The following RGMB variants were observed in gnomAD, a reference collection of about 807,000 sequenced individuals.
RGMB encodes repulsive guidance molecule BMP co-receptor b.
Under a neutral mutation model 26.9 loss-of-function variants are expected in RGMB, and 16 were observed. The ratio of observed to expected loss-of-function variants is 0.60; its 90% CI spans 0.40 to 0.90. RGMB has a LOEUF of 0.90. RGMB is among the 40% of genes least tolerant of loss of function. The pLI, the probability that RGMB is intolerant of heterozygous loss-of-function variation, is 0.00. For missense variants in RGMB, 512 were observed against 573.3 expected, an observed-to-expected ratio of 0.89 and a Z score of 1.09; for synonymous variants, 225 against 229.3, an observed-to-expected ratio of 0.98 and a Z score of 0.17.
At chr5:98,777,855 A>G (rs1331864845) in intron 1 of RGMB, among the ~76,000 whole-genome samples, 1 of 152,174 alleles carries the variant, frequency 6.6e-6, no homozygotes, top group Admixed American at 6.5e-5. Flanking sequence ...TGATTGCTGT[A>G]AATCCATAGC....
rs150162004 is a variant in RGMB at position 98,785,061 on chromosome 5, CCTTG to C, written c.645+4977_645+4980del. ...GAGATTTGCTCCTTATTGTGACCCT[CCTTG>C]CTTTATGAAGATGCTAAGAAGTTCT... On this transcript the variant is annotated intron_variant, in intron 2 of 2. Transcript: ENST00000513185. Among the ~76,000 whole-genome samples the C allele has an allele frequency of 5.9e-3, 891 of 152,294 alleles. 4 individuals carry two copies. The highest frequency in any genetic ancestry group is 0.02 in the African/African-American group (848 of 41,570).
rs981264837 is a variant in RGMB at position 98,778,862 on chromosome 5, TAGAC to T, written c.137-715_137-712del. On this transcript the variant is annotated intron_variant, in intron 1 of 2. Coordinates refer to ENST00000513185, the MANE Select transcript of RGMB (RefSeq NM_001366508.1). ...AGCTAGGATCCTAGGGTAATGGAGATAGACAGTAAGGAAAAAGTAAATATATAGC... is the reference window on the plus strand; with the variant it reads ...AGCTAGGATCCTAGGGTAATGGAGATAGTAAGGAAAAAGTAAATATATAGC... Among the ~76,000 whole-genome samples, 25 of 152,152 alleles carry T rather than the reference TAGAC, an allele frequency of 1.6e-4. No individual in the cohort carries two copies. In the East Asian group the frequency reaches 3.9e-3, roughly 23 times the overall value.
chr5:98,794,363 A>G lies in RGMB; in HGVS notation c.*610A>G, dbSNP rs1561449742. ...ATCTAAGAGCTGTTACTTTTTCAGA[A>G]GGGGGGGTATTATTGGTATTCTGAT... On this transcript the variant is annotated 3_prime_UTR_variant, in exon 3 of 3. Coordinates refer to ENST00000513185, the MANE Select transcript of RGMB (RefSeq NM_001366508.1). 6.6e-6 allele frequency: 1 copy of G among 151,986 alleles called. No homozygotes were observed. The highest frequency in any genetic ancestry group is 2.0e-4 in the East Asian group (1 of 5,122). 9.4% of individuals were successfully genotyped at this position (151,986 alleles called of 1,614,324 possible).
At chr5:98,774,773 C>T (rs933767198) in intron 1 of RGMB, among the ~76,000 whole-genome samples, 1 of 152,136 alleles carries the variant, frequency 6.6e-6, no homozygotes, top group Non-Finnish European at 1.5e-5. Context: ...GCAAAAGCTG[C>T]GTTTGTTCAG....
rs538517786 is a variant in RGMB, at chr5:98,793,033, C to T, written c.646-52C>T. The T allele has an allele frequency of 2.6e-5, 38 of 1,442,744 alleles. No homozygotes were observed. In the African/African-American group the frequency reaches 4.4e-4, roughly 17 times the overall value. The allele number at this position is 1,442,744 out of a possible 1,614,324, so 89.4% of individuals were successfully genotyped here. A position where few individuals can be genotyped will look rare whatever the true frequency, so the allele number is the denominator to read the frequency against. On this transcript the variant is annotated intron_variant, in intron 2 of 2. Transcript: ENST00000513185. The stretch of plus-strand genomic sequence containing the variant: ...GAGCTCTTGCTACAGAGGGTTACCC[C>T]GTTCTGCTTCCTTCCCATTCTGTTA...
At position 98,773,724 on chromosome 5, in the gene RGMB, A is replaced by AC; in HGVS notation, c.-346dup. ...GGCTGGGCCAGCCTCTTGGAGGTCC[A>AC]CGCCCGCCGAGCCCACGCTGGCTGG... On this transcript the variant is annotated 5_prime_UTR_variant, in exon 1 of 3. Transcript: ENST00000513185. 1 of 376,514 alleles carries AC rather than the reference A, an allele frequency of 2.7e-6. No individual in the cohort carries two copies. The highest frequency in any genetic ancestry group is 4.0e-5 in the East Asian group (1 of 25,230). The allele number at this position is 376,514 out of a possible 1,614,324, so 23.3% of individuals were successfully genotyped here. A position where few individuals can be genotyped will look rare whatever the true frequency, so the allele number is the denominator to read the frequency against.
chr5:98,791,894 G>C (rs1485646939), intron 2 of RGMB, among the ~76,000 whole-genome samples: 1 of 152,048 alleles, frequency 6.6e-6, no homozygotes, highest in African/African-American at 2.4e-5. Context: ...AAAGAACATG[G>C]GTTTACAAAA....
upstream of RGMB, chr5:98,771,538 T>C (rs1435242136): frequency 6.6e-6 from 1 of 152,242 alleles, no homozygotes; most frequent in South Asian, 2.1e-4. Flanking sequence ...TGCGGTTTAC[T>C]TGTGAAAATT....
At chr5:98,785,649 T>C (rs1746748535) in intron 2 of RGMB, among the ~76,000 whole-genome samples, 1 of 152,234 alleles carries the variant, frequency 6.6e-6, no homozygotes, top group Non-Finnish European at 1.5e-5. Flanking sequence ...CCAAAAAGCT[T>C]TCTAGAATTT....
intron 2 of RGMB, among the ~76,000 whole-genome samples, chr5:98,787,202 T>C (rs756373589): frequency 2.6e-4 from 39 of 152,354 alleles, no homozygotes; most frequent in Non-Finnish European, 3.7e-4. Context: ...TCTAACCACT[T>C]CATTCCTGAG....
intron 2 of RGMB, among the ~76,000 whole-genome samples, chr5:98,790,598 G>A (rs551227153): frequency 1.3e-5 from 2 of 152,284 alleles, no homozygotes; most frequent in East Asian, 1.9e-4. Flanking sequence ...AAAAACAGCC[G>A]TGGTGAGACA....
upstream of RGMB, chr5:98,772,685 C>G (rs1746205610): frequency 6.6e-6 from 1 of 152,186 alleles, no homozygotes; most frequent in African/African-American, 2.4e-5. Flanking sequence ...TTGGCAGCCT[C>G]TTTCTTTGTA....
At chr5:98,774,258 C>T in intron 1 of RGMB, 52 bp downstream of exon 1, 3 of 1,339,304 alleles carry the variant, frequency 2.2e-6, no homozygotes, top group Admixed American at 7.9e-5. Flanking sequence ...GGGCTTTGTT[C>T]CCAAATAGCC....
In RGMB at chr5:98,794,724, T is replaced by A. The variant is rs992142603; in HGVS notation, c.*971T>A. 5 of 152,280 alleles carry A rather than the reference T, an allele frequency of 3.3e-5. 1 individual carries two copies. The East Asian group carries it at 9.6e-4, about 29-fold the overall frequency. The allele number at this position is 152,280 out of a possible 1,614,324, so 9.4% of individuals were successfully genotyped here. A position where few individuals can be genotyped will look rare whatever the true frequency, so the allele number is the denominator to read the frequency against. On this transcript the variant is annotated 3_prime_UTR_variant, in exon 3 of 3. Transcript: ENST00000513185. ...CAGCTCTCCCTGTCTCCAACTCCAG[T>A]AAGCCCTCCTCAGCCTCACCTTACG...
chr5:98,776,734 G>A (rs750142265), intron 1 of RGMB, among the ~76,000 whole-genome samples: 5 of 124,630 alleles, frequency 4.0e-5, no homozygotes, highest in East Asian at 6.4e-4. Flanking sequence ...AAAGAACCCC[G>A]GGAGATCTGT....
At chr5:98,782,501 A>G (rs913174671) in intron 2 of RGMB, among the ~76,000 whole-genome samples, 7 of 152,290 alleles carry the variant, frequency 4.6e-5, no homozygotes, top group Non-Finnish European at 7.4e-5. Flanking sequence ...TGGAAATCCC[A>G]GCTTTACTGA....
At chr5:98,770,430 G>A (rs1338624115), upstream of RGMB, 11 of 408,594 alleles carry the variant, frequency 2.7e-5, no homozygotes, top group Non-Finnish European at 4.0e-5. Flanking sequence ...GCTCCCAAAT[G>A]CTTTTTGCAC....
intron 2 of RGMB, among the ~76,000 whole-genome samples, chr5:98,785,181 TG>T (rs1313939070): frequency 2.0e-5 from 3 of 152,202 alleles, no homozygotes; most frequent in East Asian, 3.9e-4. Flanking sequence ...AATCATTCTC[TG>T]ATAAATGTAT....
At chr5:98,772,236 G>A (rs1174712689), upstream of RGMB, among the ~76,000 whole-genome samples, 2 of 152,164 alleles carry the variant, frequency 1.3e-5, no homozygotes, top group African/African-American at 4.8e-5. Context: ...TACCCCTTAA[G>A]TCATCATAGT....
Sources: gnomAD v4.1 joint callset for allele counts (sites outside exome capture counted in the v4.1 genomes callset) on GRCh38, gnomAD v4.1.1 for gene constraint, MANE v1.5 for transcripts, NCBI Gene and HGNC (gene_info 2026-07-23, HGNC 2026-07-21) for gene names.